The following RYR2 variants were observed in gnomAD, a reference collection of about 807,000 sequenced individuals.
RYR2 encodes the protein cardiac muscle ryanodine receptor-calcium release channel.
RYR2 carries 227 observed loss-of-function variants against 601.1 expected under a neutral mutation model. The observed-to-expected ratio is 0.38, with a 90% CI of 0.34 to 0.42. RYR2 has a LOEUF of 0.42. RYR2 is among the 10% of genes least tolerant of loss of function. The probability of loss-of-function intolerance (pLI) is 1.00; values close to 1 mark genes in which losing one functional copy is unlikely to be tolerated. For synonymous variants in RYR2, 2,223 were observed against 2,175.1 expected, an observed-to-expected ratio of 1.02 and a Z score of -0.61; for missense variants, 4,646 against 6,156.5, an observed-to-expected ratio of 0.75 and a Z score of 8.21.
intron 2 of RYR2, among the ~76,000 whole-genome samples, chr1:237,296,703 A>G (rs1692815599): frequency 6.6e-6 from 1 of 152,174 alleles, no homozygotes. Context: ...TATGGTATTT[A>G]AAACCACAGG....
intron 95 of RYR2, 107 bp downstream of exon 95, chr1:237,794,104 T>C (rs1014923414): frequency 4.4e-5 from 40 of 900,826 alleles, no homozygotes; most frequent in Admixed American, 4.3e-4. Context: ...AGGTGAATAA[T>C]AGTTATATAT....
At chr1:237,803,424 C>T (rs1274806763) in intron 98 of RYR2, among the ~76,000 whole-genome samples, 1 of 152,184 alleles carries the variant, frequency 6.6e-6, no homozygotes, top group African/African-American at 2.4e-5. Context: ...CCTCAGCCTC[C>T]TGAGTAGCTG....
At chr1:237,735,634 G>T (rs1393380816) in intron 79 of RYR2, among the ~76,000 whole-genome samples, 2 of 152,132 alleles carry the variant, frequency 1.3e-5, no homozygotes, top group Non-Finnish European at 2.9e-5. Flanking sequence ...ATGGGGGATT[G>T]GTCCCAGGAC....
Position 237,784,009 on chromosome 1 carries a change from C to T in RYR2, c.12297C>T (p.Ala4099=), listed in dbSNP as rs369971378. 5.0e-6 allele frequency: 8 copies of T among 1,613,830 alleles called. No homozygotes were observed. The highest frequency in any genetic ancestry group is 4.0e-5 in the African/African-American group (3 of 74,930). ...CGAAGGACATCGGCTTCAACGTCGC[C>T]GTCCTTCTGACAAACCTCTCTGAGC... ...EPAKDIGFNV[A]VLLTNLSEHM... Residue 4099 remains alanine, a synonymous_variant, in exon 90 of 105, where the codon GCC becomes GCT. Transcript: ENST00000366574. This position sits in a 1 kb window ranked among gnomAD's most constrained non-coding sequence, Gnocchi z 7.1.
intron 3 of RYR2, among the ~76,000 whole-genome samples, chr1:237,333,169 T>C (rs189927455): frequency 2.0e-5 from 3 of 152,318 alleles, no homozygotes; most frequent in African/African-American, 7.2e-5. Flanking sequence ...CCATAAGACA[T>C]GAATTAGGAA....
intron 1 of RYR2, among the ~76,000 whole-genome samples, chr1:237,116,832 T>C (rs1670134047): frequency 6.6e-6 from 1 of 152,172 alleles, no homozygotes; most frequent in South Asian, 2.1e-4. Flanking sequence ...CATTTTGTTC[T>C]ATTCAGGCCC....
rs1376200543 is a variant in RYR2 at position 237,139,162 on chromosome 1, T to C, written c.48+96593T>C. ...AGTTAATGAGTGGATGAGCATGATA[T>C]GCTGTATCCATACAATGGAATGTTA... is the stretch of plus-strand genomic sequence containing the variant. On this transcript the variant is annotated intron_variant, in intron 1 of 104. Coordinates refer to ENST00000366574, the MANE Select transcript of RYR2 (RefSeq NM_001035.3). Among the ~76,000 whole-genome samples the C allele has an allele frequency of 2.0e-5, 3 of 152,312 alleles. No homozygotes were observed. In the East Asian group the frequency reaches 5.8e-4, roughly 29 times the overall value.
At chr1:237,647,176 A>C (rs1031855802) in intron 48 of RYR2, among the ~76,000 whole-genome samples, 1 of 152,236 alleles carries the variant, frequency 6.6e-6, no homozygotes, top group Non-Finnish European at 1.5e-5. Context: ...ACTAAGGTTA[A>C]GTCAGCTTTG....
intron 12 of RYR2, among the ~76,000 whole-genome samples, chr1:237,428,302 C>T (rs959822635): frequency 1.3e-5 from 2 of 152,058 alleles, no homozygotes; most frequent in Admixed American, 1.3e-4. Context: ...ATACATATAC[C>T]TGTTTATTGC....
chr1:237,531,517 A>G (rs1260019401), intron 25 of RYR2, among the ~76,000 whole-genome samples: 1 of 152,178 alleles, frequency 6.6e-6, no homozygotes, highest in East Asian at 1.9e-4. Context: ...TAGCATCGAG[A>G]TATAATCAAA....
At chr1:237,553,050 T>C (rs1238167023) in intron 27 of RYR2, among the ~76,000 whole-genome samples, 1 of 152,084 alleles carries the variant, frequency 6.6e-6, no homozygotes, top group African/African-American at 2.4e-5. Context: ...TTTTTCACTT[T>C]CTTAATGAGG....
intron 2 of RYR2, among the ~76,000 whole-genome samples, chr1:237,308,624 C>G (rs1055722316): frequency 6.6e-6 from 1 of 152,104 alleles, no homozygotes; most frequent in East Asian, 1.9e-4. Flanking sequence ...GAGTTTCTTC[C>G]TTCTGGTGGA....
intron 6 of RYR2, among the ~76,000 whole-genome samples, chr1:237,372,830 C>T (rs1700743309): frequency 6.6e-6 from 1 of 152,184 alleles, no homozygotes; most frequent in African/African-American, 2.4e-5. Flanking sequence ...AATTTTTATA[C>T]ATTCATTAAA....
At chr1:237,326,447 G>T (rs1348254885) in intron 2 of RYR2, among the ~76,000 whole-genome samples, 1 of 152,182 alleles carries the variant, frequency 6.6e-6, no homozygotes, top group African/African-American at 2.4e-5. Flanking sequence ...GACAGACACA[G>T]ATGTTTAGAC....
At chr1:237,165,545 T>C (rs1036275736) in intron 1 of RYR2, among the ~76,000 whole-genome samples, 2 of 152,168 alleles carry the variant, frequency 1.3e-5, no homozygotes, top group Non-Finnish European at 2.9e-5. Flanking sequence ...TTGTTTAATA[T>C]AGTTTAAATA....
intron 37 of RYR2, among the ~76,000 whole-genome samples, chr1:237,615,741 C>T (rs1464198358): frequency 6.6e-6 from 1 of 152,140 alleles, no homozygotes. Flanking sequence ...AATATACACT[C>T]ATTTATGCAT....
At position 237,132,141 on chromosome 1, in the gene RYR2, G is replaced by A. The variant is rs151155738; in HGVS notation, c.48+89572G>A. On this transcript the variant is annotated intron_variant, in intron 1 of 104. Coordinates refer to ENST00000366574, the MANE Select transcript of RYR2 (RefSeq NM_001035.3). ...CTGAAGCAACATTGTAAAATATATTGTGGCCTTTGCCTTGCTCTCTGTTTG... is the reference window on the plus strand; with the variant it reads ...CTGAAGCAACATTGTAAAATATATTATGGCCTTTGCCTTGCTCTCTGTTTG... 1.4e-3 allele frequency among the ~76,000 whole-genome samples: 216 copies of A among 152,318 alleles called. 2 individuals are homozygous for A. The highest frequency in any genetic ancestry group is 4.9e-3 in the African/African-American group (202 of 41,576).
At chr1:237,304,918 A>C (rs908399020) in intron 2 of RYR2, among the ~76,000 whole-genome samples, 1 of 152,216 alleles carries the variant, frequency 6.6e-6, no homozygotes, top group African/African-American at 2.4e-5. Context: ...GATGCATTTC[A>C]CAGAAGAGGA....
chr1:237,051,461 T>A (rs1412379851), intron 1 of RYR2, among the ~76,000 whole-genome samples: 1 of 150,600 alleles, frequency 6.6e-6, no homozygotes, highest in Non-Finnish European at 1.5e-5. Flanking sequence ...TCAGGAACAA[T>A]GGTGTCCACA....
Sources: allele counts gnomAD v4.1 joint callset (sites outside exome capture counted in the v4.1 genomes callset), GRCh38; gene constraint gnomAD v4.1.1; non-coding constraint Gnocchi (gnomAD v3.1); transcripts MANE v1.5; gene names NCBI Gene and HGNC (gene_info 2026-07-23, HGNC 2026-07-21).